Variants in SLCO5A1 observed in about 807,000 individuals in gnomAD.
The protein encoded by SLCO5A1 is organic anion transporter polypeptide-related protein 4.
Under a neutral mutation model 65.1 loss-of-function variants are expected in SLCO5A1, and 39 were observed. The ratio of observed to expected loss-of-function variants is 0.60; its 90% confidence interval spans 0.46 to 0.78. SLCO5A1 has a LOEUF of 0.78. SLCO5A1 is among the 30% of genes least tolerant of loss of function. The pLI, the probability that SLCO5A1 is intolerant of heterozygous loss-of-function variation, is 0.00. For synonymous variants in SLCO5A1, 438 were observed against 415.7 expected (o/e 1.05, Z -0.65); for missense variants, 1,029 against 1,069.4 (o/e 0.96, Z 0.53).
At chr8:69,793,050 C>T (rs1228743144) in intron 2 of SLCO5A1, among the ~76,000 whole-genome samples, 1 of 152,034 alleles carries the variant, frequency 6.6e-6, no homozygotes, top group African/African-American at 2.4e-5. Flanking sequence ...GGCATGATCT[C>T]AGCTCACTGC....
At chr8:69,713,383 G>A (rs774963302) in intron 5 of SLCO5A1, 1 of 152,152 alleles carries the variant, frequency 6.6e-6, no homozygotes, top group Non-Finnish European at 1.5e-5. Flanking sequence ...CACATGGGAC[G>A]GACAAGAAAG....
chr8:69,800,094 G>T (rs189896369), intron 2 of SLCO5A1, among the ~76,000 whole-genome samples: 2 of 151,916 alleles, frequency 1.3e-5, no homozygotes, highest in Admixed American at 1.3e-4. Flanking sequence ...TGAAATTTTG[G>T]TCACCTATTT....
intron 2 of SLCO5A1, among the ~76,000 whole-genome samples, chr8:69,820,484 G>T (rs899539755): frequency 6.6e-6 from 1 of 152,084 alleles, no homozygotes; most frequent in Non-Finnish European, 1.5e-5. Flanking sequence ...AAATAAAATT[G>T]TATAGATATT....
intron 5 of SLCO5A1, among the ~76,000 whole-genome samples, chr8:69,736,819 A>G (rs1380452279): frequency 6.6e-6 from 1 of 152,204 alleles, no homozygotes; most frequent in Non-Finnish European, 1.5e-5. Flanking sequence ...AGACTACCCT[A>G]TAATTAACAG....
At chr8:69,696,949 T>C (rs1263056022) in intron 6 of SLCO5A1, among the ~76,000 whole-genome samples, 5 of 151,972 alleles carry the variant, frequency 3.3e-5, no homozygotes, top group Admixed American at 3.3e-4. Context: ...TAAAAAAATC[T>C]CTCATAGCAA....
At chr8:69,790,854 AC>A (rs1320663230) in intron 2 of SLCO5A1, among the ~76,000 whole-genome samples, 5 of 152,190 alleles carry the variant, frequency 3.3e-5, no homozygotes, top group African/African-American at 1.2e-4. Context: ...CATAAACACA[AC>A]TGCTGCCCAG....
intron 7 of SLCO5A1, among the ~76,000 whole-genome samples, chr8:69,679,960 CA>C (rs1224106966): frequency 2.0e-5 from 3 of 152,144 alleles, no homozygotes; most frequent in Non-Finnish European, 4.4e-5. Context: ...AGAAGCCCCT[CA>C]AAAAACAGAT....
At chr8:69,750,182 G>T (rs967989450) in intron 4 of SLCO5A1, among the ~76,000 whole-genome samples, 4 of 152,180 alleles carry the variant, frequency 2.6e-5, no homozygotes, top group African/African-American at 9.7e-5. Flanking sequence ...GGAGACCACA[G>T]AGCTTTGAGC....
chr8:69,785,038 A>AAG (rs746476627), intron 2 of SLCO5A1, among the ~76,000 whole-genome samples: 5 of 148,828 alleles, frequency 3.4e-5, no homozygotes, highest in Admixed American at 1.3e-4. Flanking sequence ...AGGAAGGGGA[A>AAG]AGAGAGAGAG....
intron 2 of SLCO5A1, among the ~76,000 whole-genome samples, chr8:69,815,700 C>T (rs1228056760): frequency 7.5e-6 from 1 of 132,826 alleles, no homozygotes; most frequent in African/African-American, 2.7e-5. Flanking sequence ...AAAATTACAT[C>T]ATTCCCTCTT....
intron 4 of SLCO5A1, among the ~76,000 whole-genome samples, chr8:69,742,883 C>A (rs142837321): frequency 7.1e-6 from 1 of 139,906 alleles, no homozygotes; most frequent in African/African-American, 2.7e-5. Flanking sequence ...TGACTGTAAC[C>A]TCTGCCCCCA....
rs939148838 is a variant in SLCO5A1, at chr8:69,671,824, A to G, written c.*1045T>C. ...GTATTCTAAGTGATTTTCATATCCC[A>G]GGCACAGATTTCCTGATATAAGTAT... On this transcript the variant is annotated 3_prime_UTR_variant, in exon 10 of 10. Coordinates refer to ENST00000260126, the MANE Select transcript of SLCO5A1 (RefSeq NM_030958.3). 6.6e-6 allele frequency: 1 copy of G among 152,194 alleles called. No homozygotes were observed. Among genetic ancestry groups the G allele is most frequent in the Admixed American group, 6.5e-5 (1 of 15,284 alleles). The allele number at this position is 152,194 out of a possible 1,614,324, so 9.4% of individuals were successfully genotyped here.
intron 2 of SLCO5A1, among the ~76,000 whole-genome samples, chr8:69,797,209 T>C (rs1443557101): frequency 1.3e-5 from 2 of 152,208 alleles, no homozygotes; most frequent in African/African-American, 4.8e-5. Flanking sequence ...TGAACATAAA[T>C]TGTGAAGATT....
At position 69,670,360 on chromosome 8, in the gene SLCO5A1, T is replaced by C. The variant is rs1050844045; in HGVS notation, c.*2509A>G. The C allele has an allele frequency of 1.3e-5, 2 of 152,230 alleles. No homozygotes were observed. The highest frequency in any genetic ancestry group is 2.9e-5 in the Non-Finnish European group (2 of 68,040). 9.4% of individuals were successfully genotyped at this position (152,230 alleles called of 1,614,324 possible). On this transcript the variant is annotated 3_prime_UTR_variant, in exon 10 of 10. Coordinates refer to ENST00000260126, the MANE Select transcript of SLCO5A1 (RefSeq NM_030958.3). ...ACAAAACAGTCACTTCAGTTGGCTA[T>C]GTAATATTCCAGTGATGCTACCATA...
chr8:69,735,992 C>T (rs1816537610), intron 5 of SLCO5A1, among the ~76,000 whole-genome samples: 1 of 152,110 alleles, frequency 6.6e-6, no homozygotes, highest in African/African-American at 2.4e-5. Flanking sequence ...AATATGTGAC[C>T]TGGAAATAAA....
At chr8:69,800,896 C>T (rs992865687) in intron 2 of SLCO5A1, among the ~76,000 whole-genome samples, 3 of 152,200 alleles carry the variant, frequency 2.0e-5, no homozygotes, top group Non-Finnish European at 4.4e-5. Context: ...TGTTTGGCCA[C>T]AATTGGTCAC....
At chr8:69,723,841 C>T (rs1469286773) in intron 5 of SLCO5A1, among the ~76,000 whole-genome samples, 3 of 149,010 alleles carry the variant, frequency 2.0e-5, no homozygotes, top group East Asian at 2.0e-4. Flanking sequence ...GGCGCAATCT[C>T]GGCTCACTGC....
intron 6 of SLCO5A1, among the ~76,000 whole-genome samples, chr8:69,696,643 T>C (rs914558272): frequency 6.6e-6 from 1 of 152,202 alleles, no homozygotes; most frequent in African/African-American, 2.4e-5. Flanking sequence ...CCCTCATTCT[T>C]GTATTTGAGG....
chr8:69,783,683 A>G (rs1370222626), intron 2 of SLCO5A1, among the ~76,000 whole-genome samples: 1 of 152,116 alleles, frequency 6.6e-6, no homozygotes, highest in Non-Finnish European at 1.5e-5. Flanking sequence ...CCATTCCCTA[A>G]TCATTAATCA....
Sources: gnomAD v4.1 joint callset for allele counts (sites outside exome capture counted in the v4.1 genomes callset) on GRCh38, gnomAD v4.1.1 for gene constraint, MANE v1.5 for transcripts, NCBI Gene and HGNC (gene_info 2026-07-23, HGNC 2026-07-21) for gene names.